MDN1: variants seen among roughly 807,000 people sequenced by gnomAD.
MDN1 encodes midasin AAA ATPase 1, also known as midasin.
A neutral mutation model predicts 669.2 loss-of-function variants in MDN1; 266 were observed. That is an observed-to-expected ratio of 0.40 (90% CI 0.36 to 0.44). The LOEUF (loss-of-function observed/expected upper bound fraction) is 0.44. Among genes scored for constraint, MDN1 ranks in the 20% least tolerant of loss-of-function variants. The pLI, the probability that MDN1 is intolerant of heterozygous loss-of-function variation, is 1.00. For missense variants in MDN1, 5,940 were observed against 6,754.0 expected (o/e 0.88, Z 4.22); for synonymous variants, 2,385 against 2,457.1 (o/e 0.97, Z 0.87).
intron 51 of MDN1, among the ~76,000 whole-genome samples, chr6:89,707,727 C>T (rs1562119660): frequency 6.6e-6 from 1 of 152,208 alleles, no homozygotes; most frequent in Admixed American, 6.5e-5. Flanking sequence ...ATCTGACAAA[C>T]TGCACCGTGA....
chr6:89,696,064 T>A, intron 60 of MDN1, 72 bp from the exon 61 acceptor site: 1 of 1,503,042 alleles, frequency 6.7e-7, no homozygotes. Context: ...TACAGTATAA[T>A]TCTCTCAAGA....
intron 37 of MDN1, among the ~76,000 whole-genome samples, chr6:89,726,788 C>G (rs2768939): frequency 6.6e-6 from 1 of 152,024 alleles, no homozygotes; most frequent in South Asian, 2.1e-4. Flanking sequence ...AAAAGGAGAT[C>G]GGGAAAATAC....
chr6:89,763,189 A>T (rs1817640091), intron 15 of MDN1, among the ~76,000 whole-genome samples: 1 of 152,184 alleles, frequency 6.6e-6, no homozygotes, highest in Non-Finnish European at 1.5e-5. Context: ...GGTTGACCAA[A>T]ATCCAAGGAA....
chr6:89,727,950 G>T lies in MDN1; in HGVS notation c.5355C>A (p.Ile1785=), dbSNP rs767053311. 9 of 1,608,098 alleles carry T rather than the reference G, an allele frequency of 5.6e-6. No homozygotes were observed. The South Asian group carries it at 1.0e-4, about 18-fold the overall frequency. The change falls in exon 37 of 102, where the codon ATC becomes ATA. Residue 1785 remains isoleucine (I), a synonymous_variant. Coordinates refer to ENST00000369393, the MANE Select transcript of MDN1 (RefSeq NM_014611.3). ...VRINLSEQTD[I]TDLFGADLPV... is the part of the protein sequence containing the mutation. ...GTAGATCTGCTCCAAACAGGTCTGT[G>T]ATGTCCTTTGAAAGGGGAAGAAATG...
At chr6:89,655,515 T>C (rs747063486) in intron 92 of MDN1, among the ~76,000 whole-genome samples, 29 of 152,212 alleles carry the variant, frequency 1.9e-4, no homozygotes, top group Non-Finnish European at 3.4e-4. Context: ...ACAGATACCT[T>C]TGTACCAAAA....
At position 89,789,778 on chromosome 6, in the gene MDN1, A is replaced by T; in HGVS notation, c.1230+2T>A. The T allele has an allele frequency of 6.3e-7, 1 of 1,586,556 alleles. No homozygotes were observed. The highest frequency in any genetic ancestry group is 8.6e-7 in the Non-Finnish European group (1 of 1,167,256). On this transcript the variant is annotated splice_donor_variant, in intron 7 of 101. Transcript: ENST00000369393. LOFTEE classifies it high-confidence loss of function. ...GACAATGAATTTCCTGAGATGACAT[A>T]CCACGTCTAAGGGGGCATAGTCAAT...
rs763261951 is a variant in MDN1 at position 89,710,800 on chromosome 6, G to T, written c.7652-6C>A. ...CAAATGAATTTGTATGGACTCTGTG[G>T]AGGAAGGAGAAACCAGTGTTAGACT... On this transcript the variant is annotated splice_polypyrimidine_tract_variant and splice_region_variant and intron_variant, in intron 49 of 101. Coordinates refer to ENST00000369393, the MANE Select transcript of MDN1 (RefSeq NM_014611.3). 6.5e-7 allele frequency: 1 copy of T among 1,547,964 alleles called. No individual in the cohort carries two copies. The highest frequency in any genetic ancestry group is 8.9e-7 in the Non-Finnish European group (1 of 1,127,350).
intron 86 of MDN1, among the ~76,000 whole-genome samples, 190 bp from the exon 87 acceptor site, chr6:89,662,429 G>T (rs891067788): frequency 3.9e-5 from 6 of 152,204 alleles, no homozygotes; most frequent in Non-Finnish European, 5.9e-5. Flanking sequence ...TTAAGTGTGT[G>T]AATGGTGGGG....
chr6:89,727,127 C>CA (rs1340039129), intron 37 of MDN1, among the ~76,000 whole-genome samples: 1 of 152,044 alleles, frequency 6.6e-6, no homozygotes, highest in Non-Finnish European at 1.5e-5. Context: ...CTTGTTATCC[C>CA]AAGAATAAAA....
rs1437142904 is a variant in MDN1, at chr6:89,690,044, G to C, written c.10849C>G (p.Gln3617Glu). 6.2e-7 allele frequency: 1 copy of C among 1,614,188 alleles called. No homozygotes were observed. Among genetic ancestry groups the C allele is most frequent in the Non-Finnish European group, 8.5e-7 (1 of 1,180,030 alleles). The change falls in exon 65 of 102, where the codon CAG (glutamine) becomes GAG (glutamate). Residue 3617 changes from glutamine to glutamate, a missense_variant. This residue lies in a region of MDN1 where 2,280 missense variants were observed against 2,576.3 expected (regional missense o/e 0.88). Coordinates refer to ENST00000369393, the MANE Select transcript of MDN1 (RefSeq NM_014611.3). ...AGCATTACTGCCTGCATTGAATTCT[G>C]GGAGAGGAGAGCTGGGTTTGTGCCT... ...EAGTNPALLSQNSMQAVMLIH... is the reference protein window; with the variant it reads ...EAGTNPALLSENSMQAVMLIH...
chr6:89,770,172 G>A (rs929318662), intron 15 of MDN1, among the ~76,000 whole-genome samples: 69 of 152,132 alleles, frequency 4.5e-4, no homozygotes, highest in African/African-American at 1.6e-3. Flanking sequence ...TTGGGAGGCC[G>A]AGGTAGGTGG....
intron 69 of MDN1, 85 bp from the exon 70 acceptor site, chr6:89,686,058 C>T: frequency 1.3e-5 from 17 of 1,328,812 alleles, no homozygotes; most frequent in Non-Finnish European, 1.8e-5. Context: ...ATTTGGGATA[C>T]TACGGATGGC....
chr6:89,763,798 C>G (rs181542269), intron 15 of MDN1, among the ~76,000 whole-genome samples: 1 of 152,254 alleles, frequency 6.6e-6, no homozygotes, highest in African/African-American at 2.4e-5. Flanking sequence ...TGATACTGAG[C>G]ATCTGAATCT....
Position 89,762,532 on chromosome 6 carries a change from T to G in MDN1, c.2145-2A>C. ...AGCTTATGGTCCACCGGTTTATAAC[T>G]GAAACAGACACAGGTAAATGTGATT... On this transcript the variant is annotated splice_acceptor_variant, in intron 15 of 101. Transcript: ENST00000369393. LOFTEE classifies it high-confidence loss of function. 1 of 1,603,084 alleles carries G rather than the reference T, an allele frequency of 6.2e-7. No individual in the cohort carries two copies. Among genetic ancestry groups the G allele is most frequent in the Non-Finnish European group, 8.5e-7 (1 of 1,172,086 alleles).
rs1767550070 is a variant in MDN1 at position 89,800,255 on chromosome 6, C to T, written c.329+3073G>A. On this transcript the variant is annotated intron_variant, in intron 2 of 101. Transcript: ENST00000369393. ...CCAGCCTGACCAACATGGAGAAACC[C>T]CGTCTCTACTAAAAATACAAAATTA... Among the ~76,000 whole-genome samples, 4 of 152,134 alleles carry T rather than the reference C, an allele frequency of 2.6e-5. No homozygotes were observed. In the South Asian group the frequency reaches 8.3e-4, roughly 32 times the overall value.
chr6:89,734,691 AAG>A (rs1554188772), intron 33 of MDN1, among the ~76,000 whole-genome samples: 20 of 112,964 alleles, frequency 1.8e-4, no homozygotes, highest in African/African-American at 3.5e-4. Flanking sequence ...AAAAAAAAAC[AAG>A]AGAGAGAGAG....
In MDN1 at chr6:89,714,567, T is replaced by C; in HGVS notation, c.7045A>G (p.Thr2349Ala). 2 of 1,611,242 alleles carry C rather than the reference T, an allele frequency of 1.2e-6. No homozygotes were observed. The highest frequency in any genetic ancestry group is 1.7e-6 in the Non-Finnish European group (2 of 1,178,510). ...CCTACAACAGTGCTCCGGGTCTCTGTGTGTAAAGCCAAGAGGATGTCACAT... is the reference window on the plus strand; with the variant it reads ...CCTACAACAGTGCTCCGGGTCTCTGCGTGTAAAGCCAAGAGGATGTCACAT... ...SVCDILLALH[T>A]ETRSTVVGSP... The change falls in exon 46 of 102, where the codon ACA (threonine) becomes GCA (alanine). Residue 2349 changes from threonine (T) to alanine (A), a missense_variant. Transcript: ENST00000369393.
rs1023128418 is a variant in MDN1, at chr6:89,750,483, G to C, written c.3277C>G (p.Leu1093Val). 3 of 1,613,920 alleles carry C rather than the reference G, an allele frequency of 1.9e-6. No homozygotes were observed. The highest frequency in any genetic ancestry group is 2.7e-5 in the African/African-American group (2 of 75,022). The part of the protein sequence containing the change: ...QGETSVGKTS[L>V]IQWLAAATGN... ...GTAGCTGCAGCCAGCCACTGGATCAGGCTTGTTTTACCAACTGATGTCTCT... is the reference window on the plus strand; with the variant it reads ...GTAGCTGCAGCCAGCCACTGGATCACGCTTGTTTTACCAACTGATGTCTCT... The change falls in exon 24 of 102, where the codon CTG becomes GTG. Residue 1093 changes from leucine (L) to valine (V), a missense_variant. Leu to Val is a conservative substitution (Grantham distance 32). Transcript: ENST00000369393.
chr6:89,766,803 G>A (rs975639844), intron 15 of MDN1, among the ~76,000 whole-genome samples: 10 of 152,306 alleles, frequency 6.6e-5, no homozygotes, highest in African/African-American at 2.4e-4. Context: ...CAAATTGCAT[G>A]CTCCTGCCAT....
Sources: gnomAD v4.1 joint callset for allele counts (sites outside exome capture counted in the v4.1 genomes callset) on GRCh38, gnomAD v4.1.1 for gene constraint, gnomAD v4.1.1 regional missense constraint, MANE v1.5 for transcripts, NCBI Gene and HGNC (gene_info 2026-07-23, HGNC 2026-07-21) for gene names.